SUPT20H: variants seen among roughly 807,000 people sequenced by gnomAD.
SUPT20H encodes transcription factor SPT20 homolog.
Under a neutral mutation model 122.8 loss-of-function variants are expected in SUPT20H, and 82 were observed. That is an observed-to-expected ratio of 0.67 (90% CI 0.56 to 0.80). The LOEUF is 0.80. SUPT20H is among the 30% of genes least tolerant of loss of function. SUPT20H has a pLI of 0.00. For synonymous variants in SUPT20H, 291 were observed against 313.0 expected (o/e 0.93, Z 0.74); for missense variants, 831 against 921.6 (o/e 0.90, Z 1.27).
intron 24 of SUPT20H, among the ~76,000 whole-genome samples, chr13:37,011,416 T>C (rs1395758984): frequency 2.0e-5 from 3 of 152,216 alleles, no homozygotes; most frequent in Non-Finnish European, 2.9e-5. Context: ...TATGTAAGGA[T>C]AACTGACTTC....
chr13:37,042,703 C>T (rs954726608), intron 7 of SUPT20H, among the ~76,000 whole-genome samples: 2 of 152,102 alleles, frequency 1.3e-5, no homozygotes, highest in Admixed American at 6.6e-5. Context: ...CTCTGCAGAA[C>T]GATGTCATGA....
rs200449639 is a variant in SUPT20H, at chr13:37,040,716, C to T, written c.397-24G>A. 212 of 1,582,968 alleles carry T rather than the reference C, an allele frequency of 1.3e-4. 1 individual carries two copies. The East Asian group carries it at 2.0e-3, about 15-fold the overall frequency. On this transcript the variant is annotated intron_variant, in intron 7 of 25. Coordinates refer to ENST00000350612, the MANE Select transcript of SUPT20H (RefSeq NM_001014286.3). ...ACCTGTTTGGGCAAAAATACGTAAA[C>T]GTCATTTTTTTTTCCAAAAGCCTAA...
intron 1 of SUPT20H, among the ~76,000 whole-genome samples, chr13:37,053,548 A>G (rs3858859): frequency 0.84 from 126,865 of 151,682 alleles, 54,123 homozygotes; most frequent in East Asian, 1. Flanking sequence ...GGGGATGGAG[A>G]GCATTAGGAC....
chr13:37,048,423 T>C (rs1420248702), intron 3 of SUPT20H, 141 bp downstream of exon 3: 28 of 553,932 alleles, frequency 5.1e-5, no homozygotes, highest in Non-Finnish European at 5.9e-6. Context: ...TATTTTTATA[T>C]ATTTACAGCA....
intron 9 of SUPT20H, among the ~76,000 whole-genome samples, chr13:37,037,850 A>T (rs114619637): frequency 0.025 from 3,734 of 152,190 alleles, 110 homozygotes; most frequent in African/African-American, 0.073. Flanking sequence ...TATTTTTTTT[A>T]AAAAAGTGAA....
At chr13:37,055,273 A>G (rs963404858) in intron 1 of SUPT20H, among the ~76,000 whole-genome samples, 2 of 151,412 alleles carry the variant, frequency 1.3e-5, no homozygotes, top group Admixed American at 6.6e-5. Flanking sequence ...ACTACTTTAA[A>G]GTTCATATGG....
rs545212699 is a variant in SUPT20H, at chr13:37,045,350, C to T, written c.189G>A (p.Leu63=). 1.9e-6 allele frequency: 3 copies of T among 1,613,482 alleles called. No individual in the cohort carries two copies. The South Asian group carries it at 3.3e-5, about 18-fold the overall frequency. The change falls in exon 6 of 26, where the codon TTG becomes TTA. Residue 63 remains leucine, a synonymous_variant. Coordinates refer to ENST00000350612, the MANE Select transcript of SUPT20H (RefSeq NM_001014286.3). ...EVKKLRRNVN[L]LEKLVMQETL... ...TCTCTTGCATAACAAGCTTCTCTAA[C>T]AAGTTCACATTTCTTCTTAATTTCT...
chr13:37,043,967 C>T, intron 7 of SUPT20H, 111 bp downstream of exon 7: 1 of 589,616 alleles, frequency 1.7e-6, no homozygotes. Context: ...TGTCATGAAA[C>T]ATCATGTAGT....
At chr13:37,028,611 T>A (rs2062742642) in intron 13 of SUPT20H, among the ~76,000 whole-genome samples, 1 of 152,126 alleles carries the variant, frequency 6.6e-6, no homozygotes, top group Non-Finnish European at 1.5e-5. Context: ...GATATACATA[T>A]AATAACAATG....
chr13:37,049,709 A>G (rs2067250103), intron 2 of SUPT20H, among the ~76,000 whole-genome samples: 2 of 152,210 alleles, frequency 1.3e-5, no homozygotes, highest in South Asian at 4.1e-4. Context: ...ATTGTACTAC[A>G]GTCTGGGCAA....
At chr13:37,036,387 C>T (rs1363925182) in intron 9 of SUPT20H, among the ~76,000 whole-genome samples, 4 of 150,696 alleles carry the variant, frequency 2.7e-5, no homozygotes, top group African/African-American at 7.3e-5. Flanking sequence ...TGCAGTGGTG[C>T]GATCTCAGCT....
At chr13:37,026,879 A>G in intron 14 of SUPT20H, 63 bp from the exon 15 acceptor site, 1 of 1,076,340 alleles carries the variant, frequency 9.3e-7, no homozygotes. Context: ...TTCATAGTTT[A>G]TTAAATAAAG....
intron 24 of SUPT20H, 81 bp downstream of exon 24, chr13:37,012,111 G>T (rs2059717329): frequency 8.8e-7 from 1 of 1,132,878 alleles, no homozygotes. Flanking sequence ...GGAAGGAAAA[G>T]AAAATAATTT....
chr13:37,048,499 T>C lies in SUPT20H; in HGVS notation c.39+65A>G, dbSNP rs191312913. ...TTTAAAAATCACATACAAAAATCTC[T>C]TAAAACTGAGCTTTTGTCAATTAAA... On this transcript the variant is annotated intron_variant, in intron 3 of 25. Transcript: ENST00000350612. 414 of 1,459,722 alleles carry C rather than the reference T, an allele frequency of 2.8e-4. 1 individual carries two copies. Among genetic ancestry groups the C allele is most frequent in the Admixed American group, 4.4e-4 (19 of 43,450 alleles). 90.4% of individuals were successfully genotyped at this position (1,459,722 alleles called of 1,614,324 possible).
intron 21 of SUPT20H, 121 bp downstream of exon 21, chr13:37,021,327 G>T: frequency 9.6e-7 from 1 of 1,042,956 alleles, no homozygotes; most frequent in Non-Finnish European, 1.3e-6. Context: ...TGAAATATAT[G>T]TGATACAACA....
intron 1 of SUPT20H, among the ~76,000 whole-genome samples, chr13:37,055,889 A>G (rs940793271): frequency 6.6e-6 from 1 of 152,238 alleles, no homozygotes; most frequent in Non-Finnish European, 1.5e-5. Flanking sequence ...GCTAATATCC[A>G]GAATCTACAA....
intron 9 of SUPT20H, among the ~76,000 whole-genome samples, chr13:37,035,443 C>T (rs2064166686): frequency 6.6e-6 from 1 of 151,740 alleles, no homozygotes; most frequent in Admixed American, 6.6e-5. Flanking sequence ...AGTAGAGAGC[C>T]TGAAGATGTG....
intron 7 of SUPT20H, among the ~76,000 whole-genome samples, chr13:37,043,478 G>C (rs1034933955): frequency 3.9e-5 from 6 of 152,110 alleles, no homozygotes; most frequent in African/African-American, 1.4e-4. Context: ...ATTCAAAGTA[G>C]TTTCTTTCAT....
rs548572798 is a variant in SUPT20H, at chr13:37,053,897, A to C, written c.-93-2314T>G. ...AAGACTAATAAAGAAGAAAAGAGAG[A>C]AGAATCAAATAGACGCAATAAAAAA... On this transcript the variant is annotated intron_variant, in intron 1 of 25. Transcript: ENST00000350612. Among the ~76,000 whole-genome samples the C allele has an allele frequency of 7.2e-5, 11 of 152,302 alleles. No homozygotes were observed. The South Asian group carries it at 2.1e-3, about 29-fold the overall frequency.
Sources: allele counts gnomAD v4.1 joint callset (sites outside exome capture counted in the v4.1 genomes callset), GRCh38; gene constraint gnomAD v4.1.1; transcripts MANE v1.5; gene names NCBI Gene and HGNC (gene_info 2026-07-23, HGNC 2026-07-21).